KRABD5: variants seen among roughly 807,000 people sequenced by gnomAD.
KRABD5 encodes KRAB domain-containing protein 5.
At chr16:31,748,605 G>T in the KRABD5 span, among the ~76,000 whole-genome samples, 1 of 152,014 alleles carries the variant, frequency 6.6e-6, no homozygotes. Flanking sequence ...CAATTCTTCC[G>T]TCTCATCTTC....
chr16:31,745,304 A>G, the KRABD5 span, among the ~76,000 whole-genome samples: 5 of 151,988 alleles, frequency 3.3e-5, no homozygotes, highest in Non-Finnish European at 7.4e-5. Flanking sequence ...CATCCCAGAG[A>G]TTCTGGTATG....
chr16:31,746,110 A>T, the KRABD5 span, among the ~76,000 whole-genome samples: 46 of 152,200 alleles, frequency 3.0e-4, 1 homozygote, highest in Non-Finnish European at 1.5e-5. Context: ...CATTTAGCCC[A>T]TTTATATTTA....
chr16:31,716,196 C>G, the KRABD5 span, among the ~76,000 whole-genome samples: 2 of 152,158 alleles, frequency 1.3e-5, no homozygotes, highest in Non-Finnish European at 2.9e-5. Context: ...AGCAGCAACC[C>G]AGTCCCTCCA....
chr16:31,723,460 T>C, the KRABD5 span: 1 of 1,100,316 alleles, frequency 9.1e-7, no homozygotes, highest in Non-Finnish European at 1.3e-6. Flanking sequence ...GAAATGATTT[T>C]TGAGACACCT....
chr16:31,751,053 C>A, the KRABD5 span, among the ~76,000 whole-genome samples: 1 of 152,174 alleles, frequency 6.6e-6, no homozygotes, highest in Non-Finnish European at 1.5e-5. Context: ...AGCCACTGCG[C>A]CTAGCTTTTA....
the KRABD5 span, among the ~76,000 whole-genome samples, chr16:31,744,139 G>A: frequency 3.9e-5 from 6 of 152,012 alleles, no homozygotes; most frequent in Non-Finnish European, 5.9e-5. Flanking sequence ...TGATTGCCCT[G>A]GCCAGAACTT....
the KRABD5 span, among the ~76,000 whole-genome samples, chr16:31,716,023 C>T: frequency 1.3e-5 from 2 of 152,230 alleles, no homozygotes; most frequent in Admixed American, 6.5e-5. Context: ...CCACTCTGAA[C>T]ACACCCACTA....
the KRABD5 span, chr16:31,723,143 T>G: frequency 5.3e-6 from 6 of 1,137,870 alleles, no homozygotes; most frequent in Non-Finnish European, 6.2e-6. Flanking sequence ...AAACAGTATT[T>G]GGGGAAGTAA....
the KRABD5 span, among the ~76,000 whole-genome samples, chr16:31,736,544 T>G: frequency 2.8e-3 from 406 of 142,678 alleles, no homozygotes; most frequent in Non-Finnish European, 4.7e-3. Context: ...TAAGATGGAG[T>G]CTTGCTCTTG....
chr16:31,737,810 G>A, the KRABD5 span, among the ~76,000 whole-genome samples: 10 of 151,982 alleles, frequency 6.6e-5, no homozygotes, highest in Non-Finnish European at 1.2e-4. Context: ...ATCCATCTGT[G>A]GTCTCTTGAG....
At chr16:31,731,989 A>G in the KRABD5 span, among the ~76,000 whole-genome samples, 2 of 152,144 alleles carry the variant, frequency 1.3e-5, no homozygotes, top group Admixed American at 6.5e-5. Context: ...CAAGACCAGG[A>G]TCTTCAGGCC....
chr16:31,732,478 G>C, the KRABD5 span, among the ~76,000 whole-genome samples: 1 of 152,140 alleles, frequency 6.6e-6, no homozygotes, highest in Non-Finnish European at 1.5e-5. Flanking sequence ...TTATTAATAT[G>C]TTTGATTATA....
At chr16:31,724,878 A>G in the KRABD5 span, among the ~76,000 whole-genome samples, 5,555 of 152,120 alleles carry the variant, frequency 0.037, 282 homozygotes, top group East Asian at 0.11. Flanking sequence ...GACCCGTTCT[A>G]CACTTTACTT....
the KRABD5 span, chr16:31,754,258 TG>T: frequency 1.6e-6 from 1 of 637,216 alleles, no homozygotes; most frequent in South Asian, 1.8e-5. Context: ...GATGGATCTT[TG>T]TTAAAAGTTT....
the KRABD5 span, among the ~76,000 whole-genome samples, chr16:31,743,809 T>C: frequency 6.6e-6 from 1 of 152,224 alleles, no homozygotes; most frequent in East Asian, 1.9e-4. Context: ...GAGCAGTGGT[T>C]TGAAGTTCTT....
chr16:31,756,554 A>G, the KRABD5 span: 3 of 152,164 alleles, frequency 2.0e-5, no homozygotes, highest in Non-Finnish European at 4.4e-5. Flanking sequence ...TTTCCAGAGA[A>G]CTTAAACTTC....
At chr16:31,718,566 G>A in the KRABD5 span, among the ~76,000 whole-genome samples, 2 of 152,208 alleles carry the variant, frequency 1.3e-5, no homozygotes, top group African/African-American at 2.4e-5. Context: ...CAGAGGGAGG[G>A]CAGGGCCACA....
At chr16:31,742,327 C>G in the KRABD5 span, among the ~76,000 whole-genome samples, 1 of 152,106 alleles carries the variant, frequency 6.6e-6, no homozygotes, top group African/African-American at 2.4e-5. Flanking sequence ...CAGCCCCCAC[C>G]AGGCCCTGGT....
chr16:31,726,949 A>G, the KRABD5 span, among the ~76,000 whole-genome samples: 673 of 152,200 alleles, frequency 4.4e-3, 7 homozygotes, highest in African/African-American at 0.016. Flanking sequence ...TGTCTTTTTC[A>G]ATTGTATTCA....
Sources: gnomAD v4.1 joint callset for allele counts (sites outside exome capture counted in the v4.1 genomes callset) on GRCh38, gnomAD v4.1.1 for gene constraint, MANE v1.5 for transcripts, NCBI Gene and HGNC (gene_info 2026-07-23, HGNC 2026-07-21) for gene names.